Variants in PPM1E observed in about 807,000 individuals in gnomAD.
PPM1E encodes protein phosphatase, Mg2+/Mn2+ dependent 1E.
A neutral mutation model predicts 65.9 loss-of-function variants in PPM1E; 20 were observed. The ratio of observed to expected loss-of-function variants is 0.30; its 90% CI spans 0.21 to 0.44. The LOEUF is 0.44. PPM1E is among the 20% of genes least tolerant of loss of function. The pLI is 1.00. For missense variants in PPM1E, 713 were observed against 953.1 expected, an observed-to-expected ratio of 0.75 and a Z score of 3.32; for synonymous variants, 352 against 374.9, an observed-to-expected ratio of 0.94 and a Z score of 0.70.
intron 1 of PPM1E, among the ~76,000 whole-genome samples, chr17:58,928,680 CTACGAAAT>C (rs2143559578): frequency 6.6e-6 from 1 of 151,256 alleles, no homozygotes; most frequent in African/African-American, 2.4e-5. Context: ...AAACATATAT[CTACGAAAT>C]TACTCACACA....
chr17:58,876,333 G>A (rs2051126452), intron 1 of PPM1E, among the ~76,000 whole-genome samples: 1 of 152,066 alleles, frequency 6.6e-6, no homozygotes, highest in Non-Finnish European at 1.5e-5. Flanking sequence ...ATAGGCAGAA[G>A]ACTATAGCCT....
chr17:58,768,768 A>T (rs2049907434), intron 1 of PPM1E, among the ~76,000 whole-genome samples: 1 of 152,084 alleles, frequency 6.6e-6, no homozygotes, highest in Non-Finnish European at 1.5e-5. Context: ...CTCCCGGGTT[A>T]AAGTGATTCT....
At chr17:58,865,769 A>G (rs772550456) in intron 1 of PPM1E, among the ~76,000 whole-genome samples, 4 of 152,220 alleles carry the variant, frequency 2.6e-5, no homozygotes, top group Non-Finnish European at 4.4e-5. Context: ...TTTTTAGACT[A>G]TCAGTCTCTT....
chr17:58,964,432 G>A (rs1359589758), intron 2 of PPM1E, among the ~76,000 whole-genome samples: 1 of 152,124 alleles, frequency 6.6e-6, no homozygotes, highest in Non-Finnish European at 1.5e-5. Context: ...TTACACATGT[G>A]TCCATCTACT....
intron 1 of PPM1E, among the ~76,000 whole-genome samples, chr17:58,765,661 A>G (rs771969896): frequency 2.0e-4 from 31 of 152,104 alleles, no homozygotes; most frequent in Non-Finnish European, 7.3e-5. Context: ...AGACTAGTTC[A>G]TTACTACCTA....
At chr17:58,849,233 A>G (rs1211976411) in intron 1 of PPM1E, among the ~76,000 whole-genome samples, 5 of 152,124 alleles carry the variant, frequency 3.3e-5, no homozygotes, top group Admixed American at 2.0e-4. Flanking sequence ...TCCTGGATTC[A>G]TCGATTTTTT....
chr17:58,846,818 T>C (rs2050776635), intron 1 of PPM1E, among the ~76,000 whole-genome samples: 1 of 152,264 alleles, frequency 6.6e-6, no homozygotes, highest in African/African-American at 2.4e-5. Context: ...ATGGTATTTC[T>C]AGTTCTAGAT....
intron 1 of PPM1E, among the ~76,000 whole-genome samples, chr17:58,785,986 TC>T (rs1207471450): frequency 1.3e-5 from 2 of 151,868 alleles, no homozygotes; most frequent in Non-Finnish European, 2.9e-5. Flanking sequence ...TTTTTTTCTT[TC>T]TTGAAATCAA....
chr17:58,788,357 A>G (rs548411865), intron 1 of PPM1E, among the ~76,000 whole-genome samples: 12 of 152,258 alleles, frequency 7.9e-5, no homozygotes, highest in Admixed American at 2.6e-4. Flanking sequence ...ATTTTCATCC[A>G]AAGAGTTAGA....
chr17:58,767,079 A>T (rs926688554), intron 1 of PPM1E, among the ~76,000 whole-genome samples: 3 of 152,176 alleles, frequency 2.0e-5, no homozygotes, highest in African/African-American at 7.2e-5. Context: ...TTTCTGTAAG[A>T]GTTAACAGTG....
At chr17:58,866,799 GA>G (rs1555615612) in intron 1 of PPM1E, among the ~76,000 whole-genome samples, 2 of 152,116 alleles carry the variant, frequency 1.3e-5, no homozygotes, top group Non-Finnish European at 2.9e-5. Flanking sequence ...ACTCCACAAA[GA>G]AAGCAAAAGA....
At chr17:58,815,858 A>T (rs934288232) in intron 1 of PPM1E, among the ~76,000 whole-genome samples, 1 of 152,140 alleles carries the variant, frequency 6.6e-6, no homozygotes, top group African/African-American at 2.4e-5. Context: ...TAACTGTGGA[A>T]TAAAGGGTTT....
chr17:58,936,624 G>A (rs532285612), intron 1 of PPM1E, among the ~76,000 whole-genome samples: 17 of 152,246 alleles, frequency 1.1e-4, no homozygotes, highest in African/African-American at 3.9e-4. Flanking sequence ...TGTAGGTTTG[G>A]CATTGTGATG....
At chr17:58,765,404 C>T (rs2049864132) in intron 1 of PPM1E, among the ~76,000 whole-genome samples, 1 of 151,848 alleles carries the variant, frequency 6.6e-6, no homozygotes. Flanking sequence ...TCTTGAAATC[C>T]TGATCTTGTG....
At chr17:58,782,090 G>T (rs552692964) in intron 1 of PPM1E, among the ~76,000 whole-genome samples, 1 of 152,160 alleles carries the variant, frequency 6.6e-6, no homozygotes, top group South Asian at 2.1e-4. Flanking sequence ...AGGAAGAATT[G>T]CTTGGTGGGT....
At chr17:58,913,130 G>C (rs1265185553) in intron 1 of PPM1E, among the ~76,000 whole-genome samples, 1 of 152,206 alleles carries the variant, frequency 6.6e-6, no homozygotes, top group African/African-American at 2.4e-5. Flanking sequence ...AGGGAGTCAT[G>C]AGAACCCCTA....
intron 1 of PPM1E, among the ~76,000 whole-genome samples, chr17:58,881,657 T>C (rs2051195831): frequency 1.3e-5 from 2 of 150,898 alleles, no homozygotes. Context: ...TGAGATTCCA[T>C]CTCAAAAAAA....
chr17:58,878,386 G>A (rs1399185814), intron 1 of PPM1E, among the ~76,000 whole-genome samples: 1 of 151,830 alleles, frequency 6.6e-6, no homozygotes, highest in Non-Finnish European at 1.5e-5. Flanking sequence ...GGGATTACAG[G>A]CACGTGCCAC....
chr17:58,795,141 C>T (rs1316461233), intron 1 of PPM1E, among the ~76,000 whole-genome samples: 1 of 152,122 alleles, frequency 6.6e-6, no homozygotes, highest in Admixed American at 6.6e-5. Context: ...ATCTGCCTGC[C>T]TTGGCCTCCC....
Sources: gnomAD v4.1 joint callset for allele counts (sites outside exome capture counted in the v4.1 genomes callset) on GRCh38, gnomAD v4.1.1 for gene constraint, MANE v1.5 for transcripts, NCBI Gene and HGNC (gene_info 2026-07-23, HGNC 2026-07-21) for gene names.